PHC2: variants seen among roughly 807,000 people sequenced by gnomAD.
The protein encoded by PHC2 is polyhomeotic homolog 2, also known as polyhomeotic-like protein 2.
PHC2 carries 29 observed loss-of-function variants against 87.4 expected under a neutral mutation model. That is an observed-to-expected ratio of 0.33 (90% CI 0.25 to 0.45). The LOEUF is 0.45. Among genes scored for constraint, PHC2 ranks in the 20% least tolerant of loss-of-function variants. The pLI is 1.00. For missense variants in PHC2, 857 were observed against 1,136.7 expected (o/e 0.75, Z 3.54); for synonymous variants, 438 against 461.7 (o/e 0.95, Z 0.66).
intron 1 of PHC2, among the ~76,000 whole-genome samples, chr1:33,376,283 C>T (rs1264123924): frequency 6.6e-6 from 1 of 152,218 alleles, no homozygotes; most frequent in African/African-American, 2.4e-5. Context: ...GATCCACCTG[C>T]CTTGACCTTC....
intron 9 of PHC2, chr1:33,353,398 A>T (rs1315853475): frequency 6.6e-6 from 1 of 152,186 alleles, no homozygotes; most frequent in Admixed American, 6.5e-5. Context: ...AATTAGAGCA[A>T]ATCTACAGTG....
rs754034240 is a variant in PHC2, at chr1:33,334,237, G to A, written c.1614C>T (p.Thr538=). 37 of 1,612,410 alleles carry A rather than the reference G, an allele frequency of 2.3e-5. No homozygotes were observed. The highest frequency in any genetic ancestry group is 3.0e-5 in the Non-Finnish European group (35 of 1,179,608). Residue 538 remains threonine, a synonymous_variant, in exon 10 of 15, where the codon ACC becomes ACT. Coordinates refer to ENST00000683057, the MANE Select transcript of PHC2 (RefSeq NM_001385109.1). This position sits in a 1 kb window ranked among gnomAD's most constrained non-coding sequence, Gnocchi z 5.5. ...TGGAGGCAGAGTTTCCGTTCCCTGAGGTCATGCCGGGGCTGCTGAGGTCGG... is the reference window on the plus strand; with the variant it reads ...TGGAGGCAGAGTTTCCGTTCCCTGAAGTCATGCCGGGGCTGCTGAGGTCGG... The part of the protein sequence containing the change: ...ALTDLSSPGM[T]SGNGNSASSI...
At chr1:33,410,904 T>C (rs990993888) in intron 1 of PHC2, among the ~76,000 whole-genome samples, 1 of 152,154 alleles carries the variant, frequency 6.6e-6, no homozygotes, top group African/African-American at 2.4e-5. Flanking sequence ...CATCATATTA[T>C]GGTCACAGTT....
intron 1 of PHC2, among the ~76,000 whole-genome samples, chr1:33,393,140 C>A (rs144346404): frequency 1.9e-3 from 292 of 152,306 alleles, no homozygotes; most frequent in Admixed American, 3.5e-3. Flanking sequence ...TAGCAGCCAT[C>A]ATTTTCCCTG....
rs1646500548 is a variant in PHC2, at chr1:33,331,660, C to T, written c.1892-198G>A. 3 of 475,510 alleles carry T rather than the reference C, an allele frequency of 6.3e-6. No homozygotes were observed. The highest frequency in any genetic ancestry group is 2.0e-5 in the African/African-American group (1 of 50,880). The allele number at this position is 475,510 out of a possible 1,614,324, so 29.5% of individuals were successfully genotyped here. The stretch of plus-strand genomic sequence containing the variant: ...CACTCAAGGGTGTCTGGGGATGCCC[C>T]TTGTAGACTTGACATTTTTTTCTTC... On this transcript the variant is annotated intron_variant, in intron 11 of 14. Coordinates refer to ENST00000683057, the MANE Select transcript of PHC2 (RefSeq NM_001385109.1). The surrounding 1 kb of genome is among the most constrained non-coding windows in gnomAD (Gnocchi z 5.2).
intron 7 of PHC2, among the ~76,000 whole-genome samples, chr1:33,358,434 G>C (rs528127139): frequency 6.6e-6 from 1 of 152,190 alleles, no homozygotes; most frequent in East Asian, 1.9e-4. Flanking sequence ...GGTATTTGGG[G>C]TATATATTAA....
intron 9 of PHC2, among the ~76,000 whole-genome samples, chr1:33,348,061 T>G (rs977223041): frequency 6.6e-6 from 1 of 152,194 alleles, no homozygotes; most frequent in African/African-American, 2.4e-5. Context: ...GGGAGCCAAA[T>G]AAAAGTATGT....
At chr1:33,428,949 C>T (rs1011283059) in intron 1 of PHC2, among the ~76,000 whole-genome samples, 1 of 152,202 alleles carries the variant, frequency 6.6e-6, no homozygotes, top group Non-Finnish European at 1.5e-5. Context: ...TTGCCCTGAC[C>T]CATCTCACAC....
intron 7 of PHC2, chr1:33,363,827 TC>T: frequency 1.0e-6 from 1 of 985,142 alleles, no homozygotes; most frequent in Non-Finnish European, 1.2e-6. Context: ...TGTGGCCCAC[TC>T]CCTTAGGACT....
intron 1 of PHC2, among the ~76,000 whole-genome samples, chr1:33,384,965 C>G (rs4233202): frequency 0.72 from 109,098 of 152,124 alleles, 39,895 homozygotes; most frequent in African/African-American, 0.86. Context: ...ACACACTGTG[C>G]AAATACCATG....
chr1:33,383,069 C>G (rs963309357), intron 1 of PHC2, among the ~76,000 whole-genome samples: 18 of 152,198 alleles, frequency 1.2e-4, no homozygotes, highest in African/African-American at 3.6e-4. Context: ...TATTCCTTTG[C>G]TGTGGCTCTG....
rs1198034831 is a variant in PHC2 at position 33,418,283 on chromosome 1, C to A, written c.-55+12693G>T. 3.3e-5 allele frequency among the ~76,000 whole-genome samples: 5 copies of A among 151,926 alleles called. No homozygotes were observed. In the East Asian group the frequency reaches 9.7e-4, roughly 29 times the overall value. On this transcript the variant is annotated intron_variant, in intron 1 of 14. Transcript: ENST00000683057. ...GAGAGAAAATTGATGAAATGAAAAG[C>A]TGGCTCTTTGAAAAGATCAATACAA...
intron 7 of PHC2, among the ~76,000 whole-genome samples, chr1:33,356,249 TTATATATA>T (rs60725677): frequency 6.9e-5 from 7 of 101,534 alleles, no homozygotes; most frequent in Admixed American, 2.0e-4. Context: ...GTGAAAATTC[TTATATATA>T]TATATATATA....
At chr1:33,416,326 G>A (rs901427712) in intron 1 of PHC2, among the ~76,000 whole-genome samples, 4 of 151,906 alleles carry the variant, frequency 2.6e-5, no homozygotes, top group Non-Finnish European at 4.4e-5. Flanking sequence ...CTAGCACTTT[G>A]GGAAGCTGAG....
chr1:33,376,791 T>C (rs1324956554), intron 1 of PHC2, among the ~76,000 whole-genome samples: 1 of 152,122 alleles, frequency 6.6e-6, no homozygotes, highest in Non-Finnish European at 1.5e-5. Flanking sequence ...TAGTTGGGCA[T>C]GGTGGTGTGC....
rs77781627 is a variant in PHC2, at chr1:33,369,594, C to T, written c.576+827G>A. Among the ~76,000 whole-genome samples, 1,381 of 152,264 alleles carry T rather than the reference C, an allele frequency of 9.1e-3. 12 individuals are homozygous for T. The highest frequency in any genetic ancestry group is 0.031 in the Middle Eastern group (9 of 294). On this transcript the variant is annotated intron_variant, in intron 5 of 14. Coordinates refer to ENST00000683057, the MANE Select transcript of PHC2 (RefSeq NM_001385109.1). This position sits in a 1 kb window ranked among gnomAD's most constrained non-coding sequence, Gnocchi z 4.7. Reference sequence around the variant, plus strand: ...CAAATGATGAACTCAGAGCCAAGAACAAATGTGCGGGAGCAAGACCAGACA... The same window carrying T: ...CAAATGATGAACTCAGAGCCAAGAATAAATGTGCGGGAGCAAGACCAGACA...
intron 1 of PHC2, among the ~76,000 whole-genome samples, chr1:33,399,232 C>T (rs1649416728): frequency 6.6e-6 from 1 of 151,858 alleles, no homozygotes; most frequent in Non-Finnish European, 1.5e-5. Flanking sequence ...TTGAAGGGAC[C>T]CTACAAGGAA....
chr1:33,351,977 T>C (rs1453248944), intron 9 of PHC2, among the ~76,000 whole-genome samples: 1 of 137,244 alleles, frequency 7.3e-6, no homozygotes, highest in East Asian at 2.3e-4. Flanking sequence ...AAAAAAGACA[T>C]ACACAGAATG....
At chr1:33,419,371 C>A (rs537017656) in intron 1 of PHC2, among the ~76,000 whole-genome samples, 3 of 152,182 alleles carry the variant, frequency 2.0e-5, no homozygotes, top group Non-Finnish European at 4.4e-5. Context: ...GTTCTGGAGG[C>A]CTGAAGTTCA....
Sources: allele counts gnomAD v4.1 joint callset (sites outside exome capture counted in the v4.1 genomes callset), GRCh38; gene constraint gnomAD v4.1.1; non-coding constraint Gnocchi (gnomAD v3.1); transcripts MANE v1.5; gene names NCBI Gene and HGNC (gene_info 2026-07-23, HGNC 2026-07-21).